The following WDR59 variants were observed in gnomAD, a reference collection of about 807,000 sequenced individuals.
WDR59 encodes the protein WD repeat domain 59, also known as GATOR2 complex protein WDR59.
In WDR59, 100 loss-of-function variants were observed where a neutral mutation model predicts 131.2. The ratio of observed to expected loss-of-function variants is 0.76; its 90% CI spans 0.65 to 0.90. The LOEUF is 0.90. WDR59 is among the 40% of genes least tolerant of loss of function. The probability of loss-of-function intolerance (pLI) is 0.00; values close to 1 mark genes in which losing one functional copy is unlikely to be tolerated. For missense variants in WDR59, 1,203 were observed against 1,262.2 expected, an observed-to-expected ratio of 0.95 and a Z score of 0.71; for synonymous variants, 601 against 466.2, an observed-to-expected ratio of 1.29 and a Z score of -3.72.
At chr16:74,969,859 T>C (rs762103595) in intron 1 of WDR59, among the ~76,000 whole-genome samples, 1 of 151,968 alleles carries the variant, frequency 6.6e-6, no homozygotes, top group Non-Finnish European at 1.5e-5. Flanking sequence ...TGATCTCAGC[T>C]CACTGCAGCC....
At chr16:74,960,040 A>G (rs1165625825) in intron 2 of WDR59, among the ~76,000 whole-genome samples, 2 of 152,110 alleles carry the variant, frequency 1.3e-5, no homozygotes, top group Admixed American at 6.6e-5. Context: ...GTTAGAAGCT[A>G]AAGTTTAGGC....
At chr16:74,894,441 T>C (rs1054324473) in intron 18 of WDR59, among the ~76,000 whole-genome samples, 3 of 152,156 alleles carry the variant, frequency 2.0e-5, no homozygotes, top group Admixed American at 1.3e-4. Context: ...AAGTATTCGA[T>C]TTCCCCAGGC....
intron 1 of WDR59, among the ~76,000 whole-genome samples, chr16:74,978,732 T>C (rs1271466119): frequency 2.0e-5 from 3 of 152,046 alleles, no homozygotes; most frequent in East Asian, 1.9e-4. Context: ...TCTACAATTA[T>C]ACCTGCATAA....
At chr16:74,925,395 T>G (rs541034767) in intron 8 of WDR59, among the ~76,000 whole-genome samples, 1 of 151,920 alleles carries the variant, frequency 6.6e-6, no homozygotes, top group African/African-American at 2.4e-5. Flanking sequence ...AATACAAAAA[T>G]TAGCTGGGCA....
chr16:74,918,110 T>C (rs887267963), intron 10 of WDR59, 102 bp from the exon 11 acceptor site: 4 of 1,104,382 alleles, frequency 3.6e-6, no homozygotes, highest in African/African-American at 1.5e-5. Flanking sequence ...TCAACAAACA[T>C]CTACTGAACA....
intron 3 of WDR59, among the ~76,000 whole-genome samples, chr16:74,952,445 C>CAAAAAAAAAAAAAA (rs61448932): frequency 2.1e-4 from 13 of 62,636 alleles, no homozygotes; most frequent in South Asian, 6.8e-4. Context: ...CCATCTCAAA[C>CAAAAAAAAAAAAAA]AAAAAAAAAA....
At chr16:74,953,622 T>C (rs2033126159) in intron 3 of WDR59, among the ~76,000 whole-genome samples, 1 of 152,090 alleles carries the variant, frequency 6.6e-6, no homozygotes, top group African/African-American at 2.4e-5. Flanking sequence ...TTGCAAATCA[T>C]ACATCTGATA....
intron 13 of WDR59, among the ~76,000 whole-genome samples, chr16:74,914,190 C>T (rs1005140919): frequency 1.3e-5 from 2 of 151,672 alleles, no homozygotes; most frequent in African/African-American, 2.4e-5. Context: ...CCAGTCTGAG[C>T]GGACAGAGCA....
intron 10 of WDR59, 31 bp from the exon 11 acceptor site, chr16:74,918,039 T>C (rs1319162842): frequency 1.2e-6 from 2 of 1,601,972 alleles, no homozygotes; most frequent in South Asian, 1.1e-5. Context: ...ATCCTGGAAA[T>C]TCTTCTGGAT....
chr16:74,897,758 C>G (rs1181318465), intron 18 of WDR59, among the ~76,000 whole-genome samples: 1 of 152,170 alleles, frequency 6.6e-6, no homozygotes, highest in African/African-American at 2.4e-5. Context: ...CAAGAAATAA[C>G]TGCAAAACAT....
chr16:74,873,957 G>T lies in WDR59; in HGVS notation c.*252C>A. The T allele has an allele frequency of 4.2e-6, 2 of 479,022 alleles. No homozygotes were observed. Among genetic ancestry groups the T allele is most frequent in the Admixed American group, 3.6e-5 (1 of 27,750 alleles). The allele number at this position is 479,022 out of a possible 1,614,324, so 29.7% of individuals were successfully genotyped here. A position where few individuals can be genotyped will look rare whatever the true frequency, so the allele number is the denominator to read the frequency against. ...AAACTTCCACCTTGGTAGCTCAGCC[G>T]ACATAGACAACACACAAAGCGCAGC... is the stretch of plus-strand genomic sequence containing the variant. On this transcript the variant is annotated 3_prime_UTR_variant, in exon 26 of 26. Coordinates refer to ENST00000262144, the MANE Select transcript of WDR59 (RefSeq NM_030581.4).
chr16:74,936,338 G>A (rs1334748120), intron 8 of WDR59, among the ~76,000 whole-genome samples: 2 of 151,820 alleles, frequency 1.3e-5, no homozygotes, highest in Non-Finnish European at 2.9e-5. Flanking sequence ...TATATATAAA[G>A]AAAAAATATA....
intron 18 of WDR59, among the ~76,000 whole-genome samples, chr16:74,900,793 T>C (rs1053813499): frequency 6.6e-6 from 1 of 152,240 alleles, no homozygotes; most frequent in Non-Finnish European, 1.5e-5. Context: ...AATCTCTAAA[T>C]GGCTCTAAAA....
At chr16:74,918,462 C>T (rs1291028503) in intron 10 of WDR59, among the ~76,000 whole-genome samples, 1 of 152,196 alleles carries the variant, frequency 6.6e-6, no homozygotes, top group African/African-American at 2.4e-5. Flanking sequence ...TGGAGATGAA[C>T]ATATTTTTGC....
rs188627799 is a variant in WDR59 at position 74,883,128 on chromosome 16, G to T, written c.2689+2525C>A. On this transcript the variant is annotated intron_variant, in intron 25 of 25. Coordinates refer to ENST00000262144, the MANE Select transcript of WDR59 (RefSeq NM_030581.4). ...CAACCTCCGCCTCCCGAGCTCAAGT[G>T]ATCCTCCTGCCTCAGCCTCCTGAGT... Among the ~76,000 whole-genome samples, 791 of 146,636 alleles carry T rather than the reference G, an allele frequency of 5.4e-3. 7 individuals are homozygous for T. The highest frequency in any genetic ancestry group is 9.4e-3 in the Non-Finnish European group (629 of 67,238).
intron 8 of WDR59, among the ~76,000 whole-genome samples, chr16:74,925,900 G>T (rs1441593786): frequency 2.6e-5 from 4 of 151,468 alleles, no homozygotes; most frequent in Non-Finnish European, 5.9e-5. Flanking sequence ...TGGGAGGAAT[G>T]ATTGAGTCAA....
intron 13 of WDR59, among the ~76,000 whole-genome samples, chr16:74,914,427 G>C (rs1966259737): frequency 6.6e-6 from 1 of 152,096 alleles, no homozygotes; most frequent in South Asian, 2.1e-4. Flanking sequence ...TTGCCAACTA[G>C]AGACAGCAGC....
chr16:74,960,005 T>A (rs1387228050), intron 2 of WDR59, among the ~76,000 whole-genome samples: 1 of 150,672 alleles, frequency 6.6e-6, no homozygotes, highest in Non-Finnish European at 1.5e-5. Flanking sequence ...ATAGTTGAAA[T>A]TTTTTTTTTA....
chr16:74,983,370 G>C (rs772450987), intron 1 of WDR59, among the ~76,000 whole-genome samples: 5 of 152,094 alleles, frequency 3.3e-5, no homozygotes, highest in Non-Finnish European at 5.9e-5. Flanking sequence ...CTACTCGGGA[G>C]GCTGAGGCAC....
Sources: allele counts gnomAD v4.1 joint callset (sites outside exome capture counted in the v4.1 genomes callset), GRCh38; gene constraint gnomAD v4.1.1; transcripts MANE v1.5; gene names NCBI Gene and HGNC (gene_info 2026-07-23, HGNC 2026-07-21).